The following TRIM14 variants were observed in gnomAD, a reference collection of about 807,000 sequenced individuals.
The protein encoded by TRIM14 is tripartite motif-containing protein 14.
Under a neutral mutation model 44.5 loss-of-function variants are expected in TRIM14, and 28 were observed. That is an observed-to-expected ratio of 0.63 (90% CI 0.47 to 0.86). TRIM14 has a LOEUF of 0.86. TRIM14 is among the 40% of genes least tolerant of loss of function. TRIM14 has a pLI of 0.00. For missense variants in TRIM14, 607 were observed against 611.1 expected (o/e 0.99, Z 0.07); for synonymous variants, 299 against 269.2 (o/e 1.11, Z -1.08).
chr9:98,081,938 T>C (rs1829883396), downstream of TRIM14: 1 of 152,166 alleles, frequency 6.6e-6, no homozygotes, highest in African/African-American at 2.4e-5. Context: ...CAGAGTAAGA[T>C]TTATAACAGC....
At chr9:98,097,340 C>T (rs1826223795) in intron 3 of TRIM14, among the ~76,000 whole-genome samples, 1 of 152,162 alleles carries the variant, frequency 6.6e-6, no homozygotes, top group Non-Finnish European at 1.5e-5. Context: ...CCTCACCTCT[C>T]CTCAAGTCAG....
chr9:98,058,280 A>C, the TRIM14 span, among the ~76,000 whole-genome samples: 1 of 152,164 alleles, frequency 6.6e-6, no homozygotes, highest in African/African-American at 2.4e-5. Context: ...AATACTTTAC[A>C]AAAATAACAT....
intron 6 of TRIM14, chr9:98,078,037 C>T (rs1829668616): frequency 9.0e-7 from 1 of 1,107,642 alleles, no homozygotes; most frequent in Non-Finnish European, 1.3e-6. Context: ...AGGAACCCAA[C>T]AAGCTCCTCT....
chr9:98,115,887 C>G (rs1234067084), intron 1 of TRIM14: 1 of 152,022 alleles, frequency 6.6e-6, no homozygotes, highest in African/African-American at 2.4e-5. Flanking sequence ...CCTTGGGGGC[C>G]AGGCTTGGTG....
chr9:98,093,631 C>T (rs1826077222), intron 4 of TRIM14, among the ~76,000 whole-genome samples: 1 of 152,178 alleles, frequency 6.6e-6, no homozygotes, highest in African/African-American at 2.4e-5. Flanking sequence ...ATGAATGCTT[C>T]CTTTGGGCCA....
chr9:98,117,166 T>A (rs182489172), intron 1 of TRIM14, among the ~76,000 whole-genome samples: 19 of 152,326 alleles, frequency 1.2e-4, no homozygotes, highest in Admixed American at 1.2e-3. Flanking sequence ...GAAAAAGTTT[T>A]AGAAGCCAAT....
At chr9:98,077,795 G>C (rs1434367977) in intron 6 of TRIM14, among the ~76,000 whole-genome samples, 2 of 152,206 alleles carry the variant, frequency 1.3e-5, no homozygotes, top group African/African-American at 4.8e-5. Flanking sequence ...GAGACGGACA[G>C]TACTCTGCCC....
chr9:98,092,849 ATCT>A (rs1236791409), intron 4 of TRIM14, among the ~76,000 whole-genome samples: 1 of 152,058 alleles, frequency 6.6e-6, no homozygotes. Context: ...CTGTCCCTAA[ATCT>A]TCTTCCACCA....
At chr9:98,036,949 G>C in the TRIM14 span, among the ~76,000 whole-genome samples, 1 of 152,248 alleles carries the variant, frequency 6.6e-6, no homozygotes, top group Admixed American at 6.5e-5. Context: ...GACCTGACTT[G>C]TCACCTTGTC....
chr9:98,042,234 A>G, the TRIM14 span, among the ~76,000 whole-genome samples: 1 of 147,444 alleles, frequency 6.8e-6, no homozygotes, highest in South Asian at 2.2e-4. Flanking sequence ...CGGAGCTTGC[A>G]GTGAGCCAAG....
At position 98,088,025 on chromosome 9, in the gene TRIM14, G is replaced by A. The variant is rs1462687142; in HGVS notation, c.794-20C>T. 1.4e-6 allele frequency: 2 copies of A among 1,479,832 alleles called. No individual in the cohort carries two copies. Among genetic ancestry groups the A allele is most frequent in the East Asian group, 2.7e-5 (1 of 36,468 alleles). The allele number at this position is 1,479,832 out of a possible 1,614,324, so 91.7% of individuals were successfully genotyped here. A position where few individuals can be genotyped will look rare whatever the true frequency, so the allele number is the denominator to read the frequency against. On this transcript the variant is annotated intron_variant, in intron 5 of 5. Coordinates refer to ENST00000341469, the MANE Select transcript of TRIM14 (RefSeq NM_014788.4). Reference sequence around the variant, plus strand: ...GCGCGTCTGCAGGGGGCGAGACAAGGGACGCACCTGGTGGGCGGGGCCAGC... The same window carrying A: ...GCGCGTCTGCAGGGGGCGAGACAAGAGACGCACCTGGTGGGCGGGGCCAGC...
chr9:98,109,880 T>A lies in TRIM14; in HGVS notation c.303+9A>T. On this transcript the variant is annotated intron_variant, in intron 2 of 5. Transcript: ENST00000341469. ...TTTCCATGGGTATGAGGAAGAAATG[T>A]CCACTTGCCTTGAGCTTCTCGGTGG... 6.2e-7 allele frequency: 1 copy of A among 1,609,694 alleles called. No homozygotes were observed. Among genetic ancestry groups the A allele is most frequent in the Admixed American group, 1.7e-5 (1 of 59,816 alleles).
chr9:98,076,377 ATTCTT>A (rs1829592329), intron 6 of TRIM14: 1 of 151,868 alleles, frequency 6.6e-6, no homozygotes, highest in Non-Finnish European at 1.5e-5. Flanking sequence ...TCTTTTCCAG[ATTCTT>A]TTTTTTTTTT....
the TRIM14 span, among the ~76,000 whole-genome samples, chr9:98,047,463 C>G: frequency 2.0e-5 from 3 of 152,068 alleles, no homozygotes; most frequent in Non-Finnish European, 4.4e-5. Context: ...CAGCCTGGGA[C>G]TCCTTGGGTA....
At chr9:98,053,652 CAT>C in the TRIM14 span, among the ~76,000 whole-genome samples, 9 of 151,784 alleles carry the variant, frequency 5.9e-5, no homozygotes, top group Non-Finnish European at 1.2e-4. Flanking sequence ...CACACACACA[CAT>C]ACAGGCCAGA....
rs113064346 is a variant in TRIM14, at chr9:98,086,014, C to T, written c.*1456G>A. 4 of 152,226 alleles carry T rather than the reference C, an allele frequency of 2.6e-5. No individual in the cohort carries two copies. Among genetic ancestry groups the T allele is most frequent in the African/African-American group, 2.4e-5 (1 of 41,428 alleles). The allele number at this position is 152,226 out of a possible 1,614,324, so 9.4% of individuals were successfully genotyped here. A position where few individuals can be genotyped will look rare whatever the true frequency, so the allele number is the denominator to read the frequency against. On this transcript the variant is annotated 3_prime_UTR_variant, in exon 6 of 6. Transcript: ENST00000341469. ...AAAGAAGCCTCCCACTCCCTGCTAG[C>T]GAAGGTGGCCTCCTGTGAGGGCCTA...
chr9:98,090,952 G>C (rs1825972756), intron 5 of TRIM14, among the ~76,000 whole-genome samples: 1 of 152,150 alleles, frequency 6.6e-6, no homozygotes, highest in South Asian at 2.1e-4. Flanking sequence ...CCCAACACCA[G>C]GGGCAGTGAT....
chr9:98,059,455 C>T, the TRIM14 span, among the ~76,000 whole-genome samples: 7 of 152,154 alleles, frequency 4.6e-5, no homozygotes, highest in African/African-American at 1.4e-4. Flanking sequence ...CACTCTGTTG[C>T]TCAGGCTGGA....
the TRIM14 span, among the ~76,000 whole-genome samples, chr9:98,047,305 T>C: frequency 1.3e-5 from 2 of 152,312 alleles, no homozygotes; most frequent in South Asian, 4.1e-4. Flanking sequence ...CGTGGAACTG[T>C]GAGACCATCA....
Sources: allele counts gnomAD v4.1 joint callset (sites outside exome capture counted in the v4.1 genomes callset), GRCh38; gene constraint gnomAD v4.1.1; transcripts MANE v1.5; gene names NCBI Gene and HGNC (gene_info 2026-07-23, HGNC 2026-07-21).